Variants in SPG7 observed in about 807,000 individuals in gnomAD.
SPG7 encodes the protein mitochondrial inner membrane m-AAA protease component paraplegin.
Under a neutral mutation model 81.9 loss-of-function variants are expected in SPG7, and 103 were observed. The ratio of observed to expected loss-of-function variants is 1.26; its 90% CI spans 1.07 to 1.48. SPG7 has a LOEUF of 1.48. SPG7 is among the 40% of genes most tolerant of loss of function. The pLI is 0.00. For synonymous variants in SPG7, 534 were observed against 444.2 expected (o/e 1.20, Z -2.54); for missense variants, 1,241 against 1,087.3 (o/e 1.14, Z -1.99).
At chr16:89,512,037 A>G (rs1441704701) in intron 2 of SPG7, among the ~76,000 whole-genome samples, 2 of 151,574 alleles carry the variant, frequency 1.3e-5, no homozygotes, top group African/African-American at 4.9e-5. Flanking sequence ...TCAGCCTCCC[A>G]AGTAGCTGGG....
At chr16:89,541,950 G>C (rs1188924914) in intron 9 of SPG7, 1 of 148,818 alleles carries the variant, frequency 6.7e-6, no homozygotes, top group South Asian at 2.1e-4. Context: ...GCGGCCCGGT[G>C]GGGAGCACGT....
rs1466411495 is a variant in SPG7, at chr16:89,556,958, C to T, written c.2253C>T (p.Pro751=). ...EDIEALIGPP[P]HGPKKMIAPQ... is the part of the protein sequence containing the mutation. The stretch of plus-strand genomic sequence containing the variant: ...TTGAGGCTCTCATTGGCCCGCCGCC[C>T]CATGGGCCGAAGAAAATGATCGCAC... Residue 751 remains proline, a synonymous_variant, in exon 17 of 17, where the codon CCC becomes CCT. Coordinates refer to ENST00000645818, the MANE Select transcript of SPG7 (RefSeq NM_003119.4). The T allele has an allele frequency of 2.5e-6, 4 of 1,613,972 alleles. No homozygotes were observed. The highest frequency in any genetic ancestry group is 2.2e-5 in the South Asian group (2 of 91,084).
intron 9 of SPG7, chr16:89,541,333 G>C (rs1406335574): frequency 1.0e-6 from 1 of 984,484 alleles, no homozygotes; most frequent in African/African-American, 1.7e-5. Flanking sequence ...GCAGCAACAA[G>C]GAAATGACGC....
Position 89,536,853 on chromosome 16 carries a change from A to G in SPG7, c.1324+4217A>G, listed in dbSNP as rs1009993998. The G allele has an allele frequency of 2.5e-6, 4 of 1,613,982 alleles. No individual in the cohort carries two copies. In the East Asian group the frequency reaches 6.7e-5, roughly 27 times the overall value. On this transcript the variant is annotated intron_variant, in intron 9 of 16. Transcript: ENST00000645818. The stretch of plus-strand genomic sequence containing the variant: ...CCTGCTCCTGTCTCACGGAGCCCAC[A>G]GGGTCACGGAGGGCAATGGAGGGTC...
Position 89,553,088 on chromosome 16 carries a change from T to A in SPG7, c.1889T>A (p.Leu630Gln). 1 of 1,613,472 alleles carries A rather than the reference T, an allele frequency of 6.2e-7. No homozygotes were observed. The highest frequency in any genetic ancestry group is 8.5e-7 in the Non-Finnish European group (1 of 1,179,778). ...CTGTTTGAGCGGATGTGCATGGCCCTGGGAGGACGGGCCTCGGAAGCACTG... is the reference window on the plus strand; with the variant it reads ...CTGTTTGAGCGGATGTGCATGGCCCAGGGAGGACGGGCCTCGGAAGCACTG... Reference protein sequence around the residue: ...EQLFERMCMALGGRASEALSF... With the variant: ...EQLFERMCMAQGGRASEALSF... The change falls in exon 14 of 17, where the codon CTG becomes CAG. Residue 630 changes from leucine to glutamine, a missense_variant. Coordinates refer to ENST00000645818, the MANE Select transcript of SPG7 (RefSeq NM_003119.4).
rs1478177922 is a variant in SPG7, at chr16:89,524,025, G to T, written c.396G>T (p.Glu132Asp). 2 of 1,613,084 alleles carry T rather than the reference G, an allele frequency of 1.2e-6. No homozygotes were observed. The highest frequency in any genetic ancestry group is 4.5e-5 in the East Asian group (2 of 44,890). ...EEDEEERRRRERDDQMYRERL... is the reference protein window; with the variant it reads ...EEDEEERRRRDRDDQMYRERL... ...GCTCAGAGGAGAGGAGACGCCGTGA[G>T]CGGGACGACCAGATGTACCGAGAGC... Residue 132 changes from glutamate (E) to aspartate (D), a missense_variant, in exon 4 of 17, where the codon GAG becomes GAT. Coordinates refer to ENST00000645818, the MANE Select transcript of SPG7 (RefSeq NM_003119.4).
chr16:89,527,435 G>C (rs564716216), intron 5 of SPG7: 1 of 152,300 alleles, frequency 6.6e-6, no homozygotes, highest in East Asian at 1.9e-4. Context: ...ACAACGTTCA[G>C]CTTTTTCTAT....
rs1188074171 is a variant in SPG7 at position 89,550,749 on chromosome 16, G to A, written c.1779+140G>A. On this transcript the variant is annotated intron_variant, in intron 13 of 16. Transcript: ENST00000645818. ...TCCCGCCTGTGTCTGTAGGTCATGT[G>A]AGAGGAAAGCCTGCCACTGTCATGA... 14 of 695,154 alleles carry A rather than the reference G, an allele frequency of 2.0e-5. No individual in the cohort carries two copies. The South Asian group carries it at 2.1e-4, about 10-fold the overall frequency. The allele number at this position is 695,154 out of a possible 1,614,324, so 43.1% of individuals were successfully genotyped here. A position where few individuals can be genotyped will look rare whatever the true frequency, so the allele number is the denominator to read the frequency against.
intron 10 of SPG7, 180 bp from the exon 11 acceptor site, chr16:89,546,478 G>A: frequency 1.6e-6 from 1 of 620,786 alleles, no homozygotes; most frequent in Non-Finnish European, 3.0e-6. Context: ...AGGAGTTCGA[G>A]ACCAGCCTAG....
chr16:89,526,663 C>T (rs1278744692), intron 5 of SPG7, 195 bp downstream of exon 5: 1 of 601,248 alleles, frequency 1.7e-6, no homozygotes, highest in Non-Finnish European at 3.0e-6. Context: ...CCTGGGTATC[C>T]ATGGGGGCTG....
Position 89,524,263 on chromosome 16 carries a change from G to A in SPG7, c.618+16G>A, listed in dbSNP as rs370158052. The stretch of plus-strand genomic sequence containing the variant: ...TGGGCGGCCTGTGAGTGAGGGTGCG[G>A]GAGGCCTGTGAGTGAGGGTGTGGGC... On this transcript the variant is annotated intron_variant, in intron 4 of 16. Coordinates refer to ENST00000645818, the MANE Select transcript of SPG7 (RefSeq NM_003119.4). 133 of 1,601,592 alleles carry A rather than the reference G, an allele frequency of 8.3e-5. No individual in the cohort carries two copies. The highest frequency in any genetic ancestry group is 5.1e-4 in the South Asian group (46 of 90,282).
chr16:89,546,598 C>G, intron 10 of SPG7, 60 bp from the exon 11 acceptor site: 1 of 1,144,550 alleles, frequency 8.7e-7, no homozygotes, highest in East Asian at 2.4e-5. Flanking sequence ...ACAAACATGC[C>G]GCACCTGTGG....
chr16:89,554,345 G>C, intron 15 of SPG7, 141 bp from the exon 16 acceptor site: 1 of 712,250 alleles, frequency 1.4e-6, no homozygotes, highest in Middle Eastern at 2.6e-4. Flanking sequence ...CACAGGGGCA[G>C]GAGACCACCT....
chr16:89,537,102 C>G, intron 9 of SPG7: 1 of 1,505,720 alleles, frequency 6.6e-7, no homozygotes, highest in Non-Finnish European at 8.8e-7. Flanking sequence ...TATGCAGAGC[C>G]ACAGCTGTGC....
Position 89,512,970 on chromosome 16 carries a change from C to T in SPG7, c.309C>T (p.Thr103=). Residue 103 remains threonine, a synonymous_variant, in exon 3 of 17, where the codon ACC becomes ACT. Transcript: ENST00000645818. ...TAGGTGGTACTTTCTATTTTAACAC[C>T]TCAAGGTTGAAGCAGAAGAATAAGG... The part of the protein sequence containing the change: ...QLLGGTFYFN[T]SRLKQKNKEK... 1 of 1,613,284 alleles carries T rather than the reference C, an allele frequency of 6.2e-7. No homozygotes were observed. The highest frequency in any genetic ancestry group is 8.5e-7 in the Non-Finnish European group (1 of 1,179,412).
At chr16:89,514,777 C>A (rs1489365754) in intron 3 of SPG7, among the ~76,000 whole-genome samples, 1 of 151,512 alleles carries the variant, frequency 6.6e-6, no homozygotes, top group African/African-American at 2.4e-5. Context: ...GGATTACAGG[C>A]GTGAGCCACC....
chr16:89,543,492 C>T (rs1406863808), intron 9 of SPG7: 2 of 151,832 alleles, frequency 1.3e-5, no homozygotes, highest in African/African-American at 4.8e-5. Flanking sequence ...CAGGCATGCG[C>T]CACACCCAGC....
At chr16:89,536,760 A>G (rs200471312) in intron 9 of SPG7, 287 of 1,613,878 alleles carry the variant, frequency 1.8e-4, no homozygotes, top group Non-Finnish European at 2.4e-4. Context: ...TTCTTCTCCA[A>G]CCAGGTGCCT....
intron 3 of SPG7, among the ~76,000 whole-genome samples, chr16:89,514,842 C>G (rs965881439): frequency 5.3e-5 from 8 of 151,838 alleles, no homozygotes; most frequent in African/African-American, 1.9e-4. Context: ...GTTGGCCAGG[C>G]TGGTCTCAAA....
Sources: allele counts gnomAD v4.1 joint callset (sites outside exome capture counted in the v4.1 genomes callset), GRCh38; gene constraint gnomAD v4.1.1; transcripts MANE v1.5; gene names NCBI Gene and HGNC (gene_info 2026-07-23, HGNC 2026-07-21).